CADPS2: variants seen among roughly 807,000 people sequenced by gnomAD.
The protein encoded by CADPS2 is calcium dependent secretion activator 2.
CADPS2 carries 93 observed loss-of-function variants against 172.5 expected under a neutral mutation model. The observed-to-expected ratio is 0.54, with a 90% CI of 0.46 to 0.64. CADPS2 has a LOEUF of 0.64. CADPS2 is among the 30% of genes least tolerant of loss of function. CADPS2 has a pLI of 0.00. For synonymous variants in CADPS2, 546 were observed against 555.2 expected, an observed-to-expected ratio of 0.98 and a Z score of 0.23; for missense variants, 1,420 against 1,565.9, an observed-to-expected ratio of 0.91 and a Z score of 1.57.
intron 1 of CADPS2, among the ~76,000 whole-genome samples, chr7:122,814,565 ATAAAC>A (rs1800836511): frequency 6.6e-6 from 1 of 152,136 alleles, no homozygotes. Flanking sequence ...TGTAGTGTCT[ATAAAC>A]TAAGTTTTAT....
At chr7:122,761,703 T>A (rs1204112602) in intron 1 of CADPS2, among the ~76,000 whole-genome samples, 26 of 151,342 alleles carry the variant, frequency 1.7e-4, no homozygotes, top group Admixed American at 1.7e-3. Flanking sequence ...TCTTGAAAAT[T>A]AAAAATGTAG....
At chr7:122,677,642 AAAC>A (rs747639108) in intron 2 of CADPS2, among the ~76,000 whole-genome samples, 9 of 152,114 alleles carry the variant, frequency 5.9e-5, no homozygotes, top group Non-Finnish European at 8.8e-5. Flanking sequence ...TCTTAAAGGT[AAAC>A]AACAACAACA....
rs751209797 is a variant in CADPS2, at chr7:122,345,659, T to G, written c.3527A>C (p.Asp1176Ala). Residue 1176 changes from aspartate to alanine, a missense_variant, in exon 28 of 30, where the codon GAC becomes GCC. Physicochemically the swap from Asp to Ala is moderately radical, Grantham distance 126. Transcript: ENST00000449022. ...TTGCCGAACAAACATAATATAGGTG[T>G]CTGCCAGATCCATTCCTGGTTTCTG... ...DVPKPGMDLA[D>A]TYIMFVRQNQ... The G allele has an allele frequency of 6.2e-7, 1 of 1,612,156 alleles. No homozygotes were observed. Among genetic ancestry groups the G allele is most frequent in the South Asian group, 1.1e-5 (1 of 90,816 alleles).
chr7:122,351,607 A>C (rs1442507985), intron 27 of CADPS2, among the ~76,000 whole-genome samples: 1 of 151,998 alleles, frequency 6.6e-6, no homozygotes, highest in Non-Finnish European at 1.5e-5. Context: ...ATGTGTTTTA[A>C]GTAGGTACAT....
At chr7:122,575,496 G>C (rs2132659788) in intron 7 of CADPS2, among the ~76,000 whole-genome samples, 2 of 151,414 alleles carry the variant, frequency 1.3e-5, no homozygotes, top group South Asian at 4.2e-4. Flanking sequence ...AAGCACAGTG[G>C]CACGATCTCG....
chr7:122,884,025 T>G (rs1289456429), intron 1 of CADPS2, among the ~76,000 whole-genome samples: 1 of 152,190 alleles, frequency 6.6e-6, no homozygotes, highest in Non-Finnish European at 1.5e-5. Flanking sequence ...TTTGAACAGC[T>G]AAGGGAGGGT....
intron 3 of CADPS2, 70 bp from the exon 4 acceptor site, chr7:122,629,398 C>T: frequency 9.2e-7 from 1 of 1,090,040 alleles, no homozygotes; most frequent in Non-Finnish European, 1.3e-6. Context: ...CAGACTGAGG[C>T]AGTCCCACAG....
intron 9 of CADPS2, among the ~76,000 whole-genome samples, chr7:122,510,653 G>A (rs1240055899): frequency 6.6e-6 from 1 of 152,112 alleles, no homozygotes; most frequent in Non-Finnish European, 1.5e-5. Context: ...CGATGGCAGC[G>A]GCAGACACAG....
rs1245876774 is a variant in CADPS2, at chr7:122,705,567, T to TTATATA, written c.453+31387_453+31388insTATATA. Among the ~76,000 whole-genome samples, 3 of 104,460 alleles carry TTATATA rather than the reference T, an allele frequency of 2.9e-5. 1 individual carries two copies. Among genetic ancestry groups the TTATATA allele is most frequent in the African/African-American group, 1.1e-4 (3 of 26,418 alleles). The allele number at this position is 104,460 out of a possible 152,430, so 68.5% of individuals were successfully genotyped here. The stretch of plus-strand genomic sequence containing the variant: ...ATATTATATATATTTATATTATATA[T>TTATATA]TATCTATATTATATATTATATAATA... On this transcript the variant is annotated intron_variant, in intron 2 of 29. Coordinates refer to ENST00000449022, the MANE Select transcript of CADPS2 (RefSeq NM_017954.11).
chr7:122,488,413 T>C (rs915627334), intron 11 of CADPS2, among the ~76,000 whole-genome samples: 2 of 152,216 alleles, frequency 1.3e-5, no homozygotes, highest in South Asian at 4.1e-4. Flanking sequence ...CCCCTGTGCA[T>C]AGCTGGGGAA....
intron 6 of CADPS2, among the ~76,000 whole-genome samples, chr7:122,608,747 G>A (rs1180230429): frequency 6.6e-6 from 1 of 152,172 alleles, no homozygotes; most frequent in Non-Finnish European, 1.5e-5. Flanking sequence ...GAGAGACAGA[G>A]AGGGTGGCAA....
chr7:122,645,255 G>C (rs533221940), intron 3 of CADPS2, among the ~76,000 whole-genome samples: 2 of 133,502 alleles, frequency 1.5e-5, no homozygotes, highest in African/African-American at 5.5e-5. Flanking sequence ...ACATGTACAT[G>C]TGTGTATACA....
intron 1 of CADPS2, among the ~76,000 whole-genome samples, chr7:122,825,862 G>A (rs541513726): frequency 1.3e-5 from 2 of 152,146 alleles, no homozygotes; most frequent in South Asian, 2.1e-4. Context: ...GTTTGCCCAC[G>A]TCCCCTCCAG....
chr7:122,453,666 C>T (rs948224902), intron 14 of CADPS2, among the ~76,000 whole-genome samples: 2 of 152,176 alleles, frequency 1.3e-5, no homozygotes, highest in East Asian at 3.9e-4. Flanking sequence ...CTGGCAGATG[C>T]TATGTGGTTA....
At chr7:122,681,855 T>C (rs1201686874) in intron 2 of CADPS2, among the ~76,000 whole-genome samples, 1 of 151,910 alleles carries the variant, frequency 6.6e-6, no homozygotes, top group Non-Finnish European at 1.5e-5. Flanking sequence ...CATCCTGTTT[T>C]AAGAACTGAG....
intron 6 of CADPS2, among the ~76,000 whole-genome samples, chr7:122,602,533 C>T (rs2072938918): frequency 6.6e-6 from 1 of 151,926 alleles, no homozygotes. Flanking sequence ...AATGTGGGTA[C>T]AAAACCTTCA....
intron 9 of CADPS2, among the ~76,000 whole-genome samples, chr7:122,508,620 G>A (rs912204374): frequency 1.3e-5 from 2 of 151,522 alleles, no homozygotes; most frequent in African/African-American, 4.8e-5. Flanking sequence ...GGGAGCCATG[G>A]CACCTAGCCT....
chr7:122,654,538 C>A (rs1164285871), intron 3 of CADPS2, among the ~76,000 whole-genome samples: 3 of 152,156 alleles, frequency 2.0e-5, no homozygotes, highest in Non-Finnish European at 2.9e-5. Flanking sequence ...ATAAATGGAA[C>A]AACAAAGCCT....
chr7:122,699,829 G>C (rs780177670), intron 2 of CADPS2, among the ~76,000 whole-genome samples: 15 of 152,078 alleles, frequency 9.9e-5, no homozygotes, highest in Non-Finnish European at 2.1e-4. Flanking sequence ...GGTGTCAAGG[G>C]AAAGATTAAA....
Sources: allele counts gnomAD v4.1 joint callset (sites outside exome capture counted in the v4.1 genomes callset), GRCh38; gene constraint gnomAD v4.1.1; transcripts MANE v1.5; gene names NCBI Gene and HGNC (gene_info 2026-07-23, HGNC 2026-07-21).